GRIN2D: variants seen among roughly 807,000 people sequenced by gnomAD.
GRIN2D encodes glutamate ionotropic receptor NMDA type subunit 2D.
A neutral mutation model predicts 103.2 loss-of-function variants in GRIN2D; 37 were observed. The ratio of observed to expected loss-of-function variants is 0.36; its 90% CI spans 0.28 to 0.47. The LOEUF is 0.47. GRIN2D is among the 20% of genes least tolerant of loss of function. GRIN2D has a pLI of 1.00. For missense variants in GRIN2D, 1,557 were observed against 1,910.6 expected (o/e 0.81, Z 3.45); for synonymous variants, 845 against 885.6 (o/e 0.95, Z 0.81).
chr19:48,428,083 C>CT (rs2147463416), intron 11 of GRIN2D, among the ~76,000 whole-genome samples: 1 of 145,452 alleles, frequency 6.9e-6, no homozygotes, highest in South Asian at 2.2e-4. Flanking sequence ...GTTGCCCAGG[C>CT]TGGAGTGCAG....
In GRIN2D at chr19:48,441,959, G is replaced by A. The variant is rs775967250; in HGVS notation, c.2440+3G>A. ...GTTGCTGCAGTTCCTGGGGGATGGTGCGGCTGCACACAGGGATTTCCACAG... is the reference window on the plus strand; with the variant it reads ...GTTGCTGCAGTTCCTGGGGGATGGTACGGCTGCACACAGGGATTTCCACAG... On this transcript the variant is annotated splice_donor_region_variant and intron_variant, in intron 12 of 13. Coordinates refer to ENST00000263269, the MANE Select transcript of GRIN2D (RefSeq NM_000836.4). The A allele has an allele frequency of 1.2e-5, 19 of 1,601,054 alleles. No homozygotes were observed. The highest frequency in any genetic ancestry group is 2.2e-5 in the East Asian group (1 of 44,714).
rs1358040505 is a variant in GRIN2D, at chr19:48,398,859, T to TGC, written c.465+8_465+9dup. The stretch of plus-strand genomic sequence containing the variant: ...GCCGCGCTCGTGCTCACGCCCAAGG[T>TGC]GCGCGCGACCGGGGCGGGGCGGGGC... On this transcript the variant is annotated splice_region_variant and intron_variant, in intron 3 of 13. Transcript: ENST00000263269. The TGC allele has an allele frequency of 8.7e-7, 1 of 1,143,210 alleles. No homozygotes were observed. The highest frequency in any genetic ancestry group is 1.8e-5 in the African/African-American group (1 of 56,196). The allele number at this position is 1,143,210 out of a possible 1,614,324, so 70.8% of individuals were successfully genotyped here. A position where few individuals can be genotyped will look rare whatever the true frequency, so the allele number is the denominator to read the frequency against.
At chr19:48,439,468 G>A (rs1424979042) in intron 11 of GRIN2D, among the ~76,000 whole-genome samples, 2 of 152,088 alleles carry the variant, frequency 1.3e-5, no homozygotes, top group Non-Finnish European at 2.9e-5. Flanking sequence ...TGGGACCCTG[G>A]GGGTCTTGCA....
intron 8 of GRIN2D, among the ~76,000 whole-genome samples, chr19:48,417,102 A>T (rs974808408): frequency 1.4e-4 from 21 of 152,058 alleles, no homozygotes; most frequent in Admixed American, 9.2e-4. Context: ...AAGTTTTTAA[A>T]ATATCCAGCT....
chr19:48,433,576 G>A (rs1472358763), intron 11 of GRIN2D, among the ~76,000 whole-genome samples: 6 of 152,150 alleles, frequency 3.9e-5, no homozygotes, highest in Non-Finnish European at 8.8e-5. Flanking sequence ...CCCACAGGGG[G>A]AGAAAGGAAA....
In GRIN2D at chr19:48,398,416, C is replaced by T; in HGVS notation, c.24C>T (p.Arg8=). The T allele has an allele frequency of 1.8e-6, 2 of 1,117,552 alleles. No individual in the cohort carries two copies. The highest frequency in any genetic ancestry group is 2.2e-6 in the Non-Finnish European group (2 of 915,758). The allele number at this position is 1,117,552 out of a possible 1,614,324, so 69.2% of individuals were successfully genotyped here. A position where few individuals can be genotyped will look rare whatever the true frequency, so the allele number is the denominator to read the frequency against. ...CGATGCGCGGCGCCGGTGGCCCCCG[C>T]GGCCCTCGGGGCCCCGCTAAGATGC... MRGAGGP[R]GPRGPAKMLL... Residue 8 remains arginine, a synonymous_variant, in exon 3 of 14, where the codon CGC becomes CGT. Coordinates refer to ENST00000263269, the MANE Select transcript of GRIN2D (RefSeq NM_000836.4).
chr19:48,402,035 G>A (rs113264196), intron 3 of GRIN2D, among the ~76,000 whole-genome samples: 2,192 of 152,110 alleles, frequency 0.014, 51 homozygotes, highest in African/African-American at 0.05. Flanking sequence ...AGGAGGTGGA[G>A]GTTGCAGTGA....
Position 48,442,372 on chromosome 19 carries a change from C to T in GRIN2D, c.2663C>T (p.Ala888Val), listed in dbSNP as rs748862598. The part of the protein sequence containing the change: ...GPTHRMDFLL[A>V]FSRGMYSCCS... Reference sequence around the variant, plus strand: ...ACCCACCGCATGGACTTCCTGCTGGCCTTCTCCAGGGTATGGGGCAGAGAG... The same window carrying T: ...ACCCACCGCATGGACTTCCTGCTGGTCTTCTCCAGGGTATGGGGCAGAGAG... The change falls in exon 13 of 14, where the codon GCC (alanine) becomes GTC (valine). Residue 888 changes from alanine (A) to valine (V), a missense_variant. Around this residue, in one of 7 missense-constraint regions of GRIN2D, gnomAD observed 632 missense variants for 572.8 expected, o/e 1.10. Transcript: ENST00000263269. This position sits in a 1 kb window ranked among gnomAD's most constrained non-coding sequence, Gnocchi z 7.2. The T allele has an allele frequency of 6.2e-7, 1 of 1,610,588 alleles. No individual in the cohort carries two copies. The highest frequency in any genetic ancestry group is 1.1e-5 in the South Asian group (1 of 91,060).
In GRIN2D at chr19:48,422,165, G is replaced by A. The variant is rs575030025; in HGVS notation, c.2252+220G>A. 6.6e-5 allele frequency among the ~76,000 whole-genome samples: 10 copies of A among 152,282 alleles called. No homozygotes were observed. The East Asian group carries it at 1.9e-3, about 29-fold the overall frequency. On this transcript the variant is annotated intron_variant, in intron 11 of 13. Transcript: ENST00000263269. ...GGATGCAGTATTTCTGGATTCTGGG[G>A]TGAGACTGATGGGGCTCAAATCTTT...
At chr19:48,412,483 G>GAA (rs1970883915) in intron 4 of GRIN2D, among the ~76,000 whole-genome samples, 4 of 129,006 alleles carry the variant, frequency 3.1e-5, no homozygotes, top group East Asian at 2.5e-4. Context: ...GAAAGAAAGA[G>GAA]AGAGAAAGAA....
rs1971018541 is a variant in GRIN2D, at chr19:48,421,262, C to G, written c.2092-523C>G. ...TGACCAACATGGAGAAACCCCATCT[C>G]TACTAAAAATACAAAACTGGCTGGG... On this transcript the variant is annotated intron_variant, in intron 10 of 13. Coordinates refer to ENST00000263269, the MANE Select transcript of GRIN2D (RefSeq NM_000836.4). This position sits in a 1 kb window ranked among gnomAD's most constrained non-coding sequence, Gnocchi z 4.8. Among the ~76,000 whole-genome samples the G allele has an allele frequency of 6.6e-6, 1 of 151,968 alleles. No individual in the cohort carries two copies. The highest frequency in any genetic ancestry group is 6.6e-5 in the Admixed American group (1 of 15,232).
rs1026118013 is a variant in GRIN2D, at chr19:48,442,466, G to A, written c.2673+84G>A. 2 of 1,539,384 alleles carry A rather than the reference G, an allele frequency of 1.3e-6. No homozygotes were observed. Among genetic ancestry groups the A allele is most frequent in the African/African-American group, 2.7e-5 (2 of 73,810 alleles). ...AGCCGAGCAGAGACAAGGAGATGTG[G>A]GTCGAGATGTGGATAGTGGGGAAGA... On this transcript the variant is annotated intron_variant, in intron 13 of 13. Transcript: ENST00000263269. This position sits in a 1 kb window ranked among gnomAD's most constrained non-coding sequence, Gnocchi z 7.2.
chr19:48,426,580 T>TTA (rs1555893923), intron 11 of GRIN2D, among the ~76,000 whole-genome samples: 4 of 151,634 alleles, frequency 2.6e-5, no homozygotes, highest in South Asian at 2.1e-4. Context: ...TATTTTTTAT[T>TTA]TTTATTTATT....
chr19:48,411,736 C>G (rs1256274862), intron 4 of GRIN2D, among the ~76,000 whole-genome samples: 1 of 151,648 alleles, frequency 6.6e-6, no homozygotes, highest in African/African-American at 2.4e-5. Flanking sequence ...ACAGCATCTG[C>G]AAAGTCCTAG....
Position 48,443,387 on chromosome 19 carries a change from C to G in GRIN2D, c.3461C>G (p.Ser1154Trp), listed in dbSNP as rs1427377722. Reference protein sequence around the residue: ...RLGPPPGRYWSVDKLGGWRAG... With the variant: ...RLGPPPGRYWWVDKLGGWRAG... ...GGGCCGCCGCCCGGCCGCTACTGGT[C>G]GGTCGACAAGCTCGGGGGCTGGCGC... Residue 1154 changes from serine (S) to tryptophan (W), a missense_variant, in exon 14 of 14, where the codon TCG becomes TGG. Physicochemically the swap from Ser to Trp is radical, Grantham distance 177. Around this residue, in one of 7 missense-constraint regions of GRIN2D, gnomAD observed 632 missense variants for 572.8 expected, o/e 1.10. Coordinates refer to ENST00000263269, the MANE Select transcript of GRIN2D (RefSeq NM_000836.4). The surrounding 1 kb of genome is among the most constrained non-coding windows in gnomAD (Gnocchi z 8.9). 1 of 1,462,202 alleles carries G rather than the reference C, an allele frequency of 6.8e-7. No individual in the cohort carries two copies. The highest frequency in any genetic ancestry group is 1.3e-5 in the South Asian group (1 of 75,506). The allele number at this position is 1,462,202 out of a possible 1,614,324, so 90.6% of individuals were successfully genotyped here. A position where few individuals can be genotyped will look rare whatever the true frequency, so the allele number is the denominator to read the frequency against.
intron 4 of GRIN2D, among the ~76,000 whole-genome samples, chr19:48,411,953 G>A (rs1970866851): frequency 6.6e-6 from 1 of 151,936 alleles, no homozygotes. Context: ...ACTATGTTGG[G>A]AGGTTGAGGT....
At position 48,443,157 on chromosome 19, in the gene GRIN2D, CGGCGCGGGG is replaced by C. The variant is rs1409600110; in HGVS notation, c.3235_3243del (p.Ala1079_Gly1081del). On this transcript the variant is annotated inframe_deletion, in exon 14 of 14. Transcript: ENST00000263269. This position sits in a 1 kb window ranked among gnomAD's most constrained non-coding sequence, Gnocchi z 8.9. ...AACCCCTGCTGGGGCCAGGCGCGGG[CGGCGCGGGG>C]GGCACGGGGGGCGCAGGCGGAGGAG... 5.0e-6 allele frequency: 5 copies of C among 990,296 alleles called. No homozygotes were observed. In the African/African-American group the frequency reaches 5.3e-5, roughly 11 times the overall value. 61.3% of individuals were successfully genotyped at this position (990,296 alleles called of 1,614,324 possible).
Position 48,414,170 on chromosome 19 carries a change from G to T in GRIN2D, c.1200+65G>T. The T allele has an allele frequency of 9.5e-7, 1 of 1,053,980 alleles. No individual in the cohort carries two copies. The allele number at this position is 1,053,980 out of a possible 1,614,324, so 65.3% of individuals were successfully genotyped here. A position where few individuals can be genotyped will look rare whatever the true frequency, so the allele number is the denominator to read the frequency against. Reference sequence around the variant, plus strand: ...TGGACTCCTGCATCCTGGCAGAGGGGGGGCTTGAGGTCGTGGACTAAGAGG... The same window carrying T: ...TGGACTCCTGCATCCTGGCAGAGGGTGGGCTTGAGGTCGTGGACTAAGAGG... On this transcript the variant is annotated intron_variant, in intron 5 of 13. Coordinates refer to ENST00000263269, the MANE Select transcript of GRIN2D (RefSeq NM_000836.4). This position sits in a 1 kb window ranked among gnomAD's most constrained non-coding sequence, Gnocchi z 4.6.
intron 11 of GRIN2D, among the ~76,000 whole-genome samples, chr19:48,426,210 T>C (rs2147461574): frequency 6.9e-6 from 1 of 145,962 alleles, no homozygotes; most frequent in Non-Finnish European, 1.5e-5. Flanking sequence ...TTCTTTTTCT[T>C]TCTTTCTTTC....
Sources: gnomAD v4.1 joint callset for allele counts (sites outside exome capture counted in the v4.1 genomes callset) on GRCh38, gnomAD v4.1.1 for gene constraint, gnomAD v4.1.1 regional missense constraint, Gnocchi (gnomAD v3.1) non-coding constraint, MANE v1.5 for transcripts, NCBI Gene and HGNC (gene_info 2026-07-23, HGNC 2026-07-21) for gene names.